AGMO: variants seen among roughly 807,000 people sequenced by gnomAD.
The protein encoded by AGMO is glyceryl-ether monooxygenase.
AGMO carries 75 observed loss-of-function variants against 60.2 expected under a neutral mutation model. The observed-to-expected ratio is 1.25, with a 90% CI of 1.03 to 1.51. The LOEUF is 1.51. AGMO is among the 40% of genes most tolerant of loss of function. AGMO has a pLI of 0.00. For synonymous variants in AGMO, 261 were observed against 177.1 expected (o/e 1.47, Z -3.76); for missense variants, 763 against 525.5 (o/e 1.45, Z -4.42).
the AGMO span, among the ~76,000 whole-genome samples, chr7:15,190,098 TATATA>T: frequency 9.1e-3 from 11 of 1,212 alleles, no homozygotes; most frequent in Non-Finnish European, 0.017. Flanking sequence ...TATATATTTA[TATATA>T]TATATATATA....
intron 5 of AGMO, among the ~76,000 whole-genome samples, chr7:15,395,323 AAT>A (rs1181182197): frequency 6.6e-5 from 10 of 152,226 alleles, no homozygotes; most frequent in South Asian, 2.1e-4. Context: ...CACGGGAAGA[AAT>A]AGAGATAAGA....
chr7:15,320,560 AATT>A (rs1160515348), intron 12 of AGMO, among the ~76,000 whole-genome samples: 10 of 152,106 alleles, frequency 6.6e-5, no homozygotes, highest in Non-Finnish European at 1.3e-4. Context: ...GCATCTTCAT[AATT>A]GGGGAATAAT....
At chr7:15,391,279 G>A (rs141495934) in intron 6 of AGMO, among the ~76,000 whole-genome samples, 2 of 151,980 alleles carry the variant, frequency 1.3e-5, no homozygotes, top group East Asian at 3.9e-4. Context: ...GTATATAAAT[G>A]TTTTTATTTT....
chr7:15,259,092 A>C (rs529509705), intron 12 of AGMO, among the ~76,000 whole-genome samples: 1 of 152,272 alleles, frequency 6.6e-6, no homozygotes, highest in African/African-American at 2.4e-5. Context: ...GAATTCAGAA[A>C]GTCGATTACA....
intron 12 of AGMO, among the ~76,000 whole-genome samples, chr7:15,247,269 T>C (rs1782768267): frequency 6.6e-6 from 1 of 152,172 alleles, no homozygotes; most frequent in South Asian, 2.1e-4. Flanking sequence ...TGTATTTATA[T>C]TTACAATACA....
chr7:15,479,291 A>C (rs1782685586), intron 3 of AGMO, among the ~76,000 whole-genome samples: 1 of 152,198 alleles, frequency 6.6e-6, no homozygotes, highest in South Asian at 2.1e-4. Context: ...GAAGCCAATC[A>C]AAGTTAAGCA....
the AGMO span, among the ~76,000 whole-genome samples, chr7:15,126,794 C>G: frequency 6.6e-6 from 1 of 152,088 alleles, no homozygotes; most frequent in Non-Finnish European, 1.5e-5. Context: ...ATCCTCTTTC[C>G]CCTTGTTTTC....
chr7:15,314,854 T>G (rs1437264756), intron 12 of AGMO, among the ~76,000 whole-genome samples: 1 of 152,006 alleles, frequency 6.6e-6, no homozygotes, highest in African/African-American at 2.4e-5. Context: ...AACTTTCTCT[T>G]GCTAGAGGCA....
At chr7:15,437,223 C>CAATTTTATCATCATAACTCATTCAA (rs1781426735) in intron 3 of AGMO, among the ~76,000 whole-genome samples, 1 of 152,120 alleles carries the variant, frequency 6.6e-6, no homozygotes, top group African/African-American at 2.4e-5. Flanking sequence ...GAAGTGTCAT[C>CAATTTTATCATCATAACTCATTCAA]AATTTTATCA....
intron 12 of AGMO, among the ~76,000 whole-genome samples, chr7:15,221,889 A>C (rs1310174596): frequency 6.6e-6 from 1 of 152,160 alleles, no homozygotes; most frequent in East Asian, 1.9e-4. Flanking sequence ...ATTTCATAAC[A>C]ATTTCTGTAT....
At chr7:15,262,030 C>A (rs945667764) in intron 12 of AGMO, among the ~76,000 whole-genome samples, 4 of 151,984 alleles carry the variant, frequency 2.6e-5, no homozygotes, top group Non-Finnish European at 5.9e-5. Context: ...AAACCCACAG[C>A]CAACATTATC....
At chr7:15,485,910 G>A (rs1212568257) in intron 3 of AGMO, among the ~76,000 whole-genome samples, 1 of 151,894 alleles carries the variant, frequency 6.6e-6, no homozygotes, top group Non-Finnish European at 1.5e-5. Context: ...AAGGGTTTAG[G>A]CATAGTTATA....
chr7:15,265,443 T>C (rs542871734), intron 12 of AGMO, among the ~76,000 whole-genome samples: 1 of 151,794 alleles, frequency 6.6e-6, no homozygotes. Flanking sequence ...TAGAATACAC[T>C]ATTAAAAAAG....
intron 3 of AGMO, among the ~76,000 whole-genome samples, chr7:15,448,337 A>C (rs1185067823): frequency 6.6e-6 from 1 of 152,214 alleles, no homozygotes; most frequent in Non-Finnish European, 1.5e-5. Flanking sequence ...CTCTTCTGCC[A>C]TATGAGTTTA....
chr7:15,316,490 C>G (rs1187619739), intron 12 of AGMO, among the ~76,000 whole-genome samples: 1 of 152,172 alleles, frequency 6.6e-6, no homozygotes, highest in Non-Finnish European at 1.5e-5. Flanking sequence ...AAACCTGGCA[C>G]AGGCTGTGTG....
intron 3 of AGMO, among the ~76,000 whole-genome samples, chr7:15,439,242 C>G (rs528655572): frequency 1.3e-5 from 2 of 152,062 alleles, no homozygotes; most frequent in East Asian, 3.9e-4. Context: ...ACTAAAAATA[C>G]AAAAATTAGC....
intron 12 of AGMO, among the ~76,000 whole-genome samples, chr7:15,215,307 C>T (rs191646348): frequency 2.0e-5 from 3 of 152,170 alleles, no homozygotes; most frequent in Admixed American, 2.0e-4. Flanking sequence ...AATTTCTCCA[C>T]AATTTGATCA....
intron 3 of AGMO, among the ~76,000 whole-genome samples, chr7:15,533,091 G>C (rs543424306): frequency 6.6e-6 from 1 of 152,214 alleles, no homozygotes; most frequent in African/African-American, 2.4e-5. Flanking sequence ...TCTCAGAGTA[G>C]TATCCTTAAG....
Position 15,310,364 on chromosome 7 carries a change from A to G in AGMO, c.1263+55150T>C, listed in dbSNP as rs562806013. The stretch of plus-strand genomic sequence containing the variant: ...TCTGGAGTAAGGGGCCCCTGCAAAA[A>G]AAATTCAGTTTCTATCCTTTGCCAG... On this transcript the variant is annotated intron_variant, in intron 12 of 12. Transcript: ENST00000342526. 1.6e-4 allele frequency among the ~76,000 whole-genome samples: 24 copies of G among 152,224 alleles called. No individual in the cohort carries two copies. In the East Asian group the frequency reaches 3.9e-3, roughly 24 times the overall value.
Sources: allele counts gnomAD v4.1 joint callset (sites outside exome capture counted in the v4.1 genomes callset), GRCh38; gene constraint gnomAD v4.1.1; transcripts MANE v1.5; gene names NCBI Gene and HGNC (gene_info 2026-07-23, HGNC 2026-07-21).